PBX3: variants seen among roughly 807,000 people sequenced by gnomAD.
PBX3 encodes the protein PBX homeobox 3.
Under a neutral mutation model 48.5 loss-of-function variants are expected in PBX3, and 14 were observed. That is an observed-to-expected ratio of 0.29 (90% confidence interval 0.19 to 0.45). The LOEUF is 0.45. Ranked by LOEUF, PBX3 falls within the 20% of genes least tolerant of loss-of-function variation. The pLI, the probability that PBX3 is intolerant of heterozygous loss-of-function variation, is 1.00. For synonymous variants in PBX3, 210 were observed against 200.3 expected, an observed-to-expected ratio of 1.05 and a Z score of -0.41; for missense variants, 386 against 546.7, an observed-to-expected ratio of 0.71 and a Z score of 2.93.
chr9:125,817,373 T>C (rs1838496078), intron 2 of PBX3, among the ~76,000 whole-genome samples: 1 of 152,214 alleles, frequency 6.6e-6, no homozygotes, highest in Non-Finnish European at 1.5e-5. Flanking sequence ...CTTATTTTCC[T>C]AGAGATCTTG....
intron 6 of PBX3, among the ~76,000 whole-genome samples, chr9:125,961,828 A>AT (rs1023001734): frequency 2.6e-5 from 4 of 151,754 alleles, no homozygotes; most frequent in Non-Finnish European, 5.9e-5. Context: ...GTTTTGGTTT[A>AT]TTTTTTCTTT....
rs371642475 is a variant in PBX3 at position 125,787,740 on chromosome 9, A to T, written c.274+39117A>T. Reference sequence around the variant, plus strand: ...AGGGATTTTAGGATTGTTTGGTTTAATTAAATTGAGGAATAAATAGGTGGA... The same window carrying T: ...AGGGATTTTAGGATTGTTTGGTTTATTTAAATTGAGGAATAAATAGGTGGA... On this transcript the variant is annotated intron_variant, in intron 2 of 8. Transcript: ENST00000373489. 3.9e-5 allele frequency among the ~76,000 whole-genome samples: 6 copies of T among 152,328 alleles called. No homozygotes were observed. The East Asian group carries it at 1.2e-3, about 29-fold the overall frequency.
At chr9:125,856,661 A>G (rs1194860370) in intron 2 of PBX3, among the ~76,000 whole-genome samples, 1 of 152,176 alleles carries the variant, frequency 6.6e-6, no homozygotes, top group Non-Finnish European at 1.5e-5. Context: ...AAGCTGTAAC[A>G]TTGTTTCTGT....
intron 2 of PBX3, among the ~76,000 whole-genome samples, chr9:125,849,501 C>A (rs1271366903): frequency 1.3e-5 from 2 of 151,804 alleles, no homozygotes; most frequent in Non-Finnish European, 2.9e-5. Context: ...ACATAATGAA[C>A]CAAGAGTAGA....
rs75109806 is a variant in PBX3 at position 125,889,297 on chromosome 9, G to A, written c.275-26389G>A. Among the ~76,000 whole-genome samples, 2,686 of 152,332 alleles carry A rather than the reference G, an allele frequency of 0.018. 209 individuals are homozygous for A. In the East Asian group the frequency reaches 0.23, roughly 13 times the overall value. On this transcript the variant is annotated intron_variant, in intron 2 of 8. Coordinates refer to ENST00000373489, the MANE Select transcript of PBX3 (RefSeq NM_006195.6). ...GGGCTGTTGAAGGGCGTCTGCACAC[G>A]TGGGGAGCAGGGGCGCTTGCACACG...
chr9:125,779,249 TTTTTTTTTTTTTAA>T (rs1483089195), intron 2 of PBX3, among the ~76,000 whole-genome samples: 1 of 150,618 alleles, frequency 6.6e-6, no homozygotes, highest in African/African-American at 2.4e-5. Context: ...TTGTTCCTTT[TTTTTTTTTTTTTAA>T]TTTTTATTTT....
In PBX3 at chr9:125,962,300, A is replaced by G. The variant is rs1365764852; in HGVS notation, c.1122+86A>G. 3 of 724,994 alleles carry G rather than the reference A, an allele frequency of 4.1e-6. No individual in the cohort carries two copies. The African/African-American group carries it at 5.3e-5, about 13-fold the overall frequency. 44.9% of individuals were successfully genotyped at this position (724,994 alleles called of 1,614,324 possible). A position where few individuals can be genotyped will look rare whatever the true frequency, so the allele number is the denominator to read the frequency against. ...TCCTCTGACCCCATGGAAGTGGTCT[A>G]CACATCCATGCAGAACCTGTGCTGG... On this transcript the variant is annotated intron_variant, in intron 7 of 8. Coordinates refer to ENST00000373489, the MANE Select transcript of PBX3 (RefSeq NM_006195.6).
chr9:125,927,773 A>C (rs536866981), intron 3 of PBX3, among the ~76,000 whole-genome samples: 1 of 152,326 alleles, frequency 6.6e-6, no homozygotes, highest in East Asian at 1.9e-4. Flanking sequence ...ATGCAGTGGC[A>C]CACACCTGTA....
At chr9:125,948,492 A>G (rs866172600) in intron 5 of PBX3, among the ~76,000 whole-genome samples, 6 of 152,216 alleles carry the variant, frequency 3.9e-5, no homozygotes, top group East Asian at 1.9e-4. Context: ...AAATTAAGCA[A>G]TATAACCCTT....
chr9:125,763,746 T>C (rs1311930967), intron 2 of PBX3, among the ~76,000 whole-genome samples: 1 of 152,234 alleles, frequency 6.6e-6, no homozygotes, highest in Non-Finnish European at 1.5e-5. Context: ...ACGGGAACGC[T>C]GTCCCTCCTT....
At chr9:125,777,525 T>A (rs1837109012) in intron 2 of PBX3, among the ~76,000 whole-genome samples, 1 of 150,908 alleles carries the variant, frequency 6.6e-6, no homozygotes, top group Non-Finnish European at 1.5e-5. Context: ...CTGGCTAATT[T>A]TTTTTTTTTT....
intron 3 of PBX3, among the ~76,000 whole-genome samples, chr9:125,923,175 T>C (rs1415021075): frequency 6.6e-6 from 1 of 152,230 alleles, no homozygotes; most frequent in Admixed American, 6.5e-5. Flanking sequence ...TTTTAACCCT[T>C]TTTTCTTATA....
At chr9:125,869,542 A>AT (rs1195851703) in intron 2 of PBX3, among the ~76,000 whole-genome samples, 1 of 152,216 alleles carries the variant, frequency 6.6e-6, no homozygotes, top group Admixed American at 6.5e-5. Flanking sequence ...GCAACAATGA[A>AT]TAAACAGACA....
intron 2 of PBX3, among the ~76,000 whole-genome samples, chr9:125,776,683 G>C (rs1267448522): frequency 6.6e-6 from 1 of 152,030 alleles, no homozygotes; most frequent in African/African-American, 2.4e-5. Flanking sequence ...TGGGACTTTA[G>C]GCACATGCCA....
chr9:125,798,853 A>G lies in PBX3; in HGVS notation c.274+50230A>G, dbSNP rs147213233. On this transcript the variant is annotated intron_variant, in intron 2 of 8. Coordinates refer to ENST00000373489, the MANE Select transcript of PBX3 (RefSeq NM_006195.6). ...ACTTTTAACTGCCATCTTACAAAAC[A>G]AACAAAAAACAGTCCCCAGTTTGTT... Among the ~76,000 whole-genome samples, 275 of 151,972 alleles carry G rather than the reference A, an allele frequency of 1.8e-3. 1 individual carries two copies. The highest frequency in any genetic ancestry group is 6.2e-3 in the African/African-American group (255 of 41,328).
At chr9:125,848,335 A>T (rs952170858) in intron 2 of PBX3, among the ~76,000 whole-genome samples, 1 of 151,830 alleles carries the variant, frequency 6.6e-6, no homozygotes, top group African/African-American at 2.4e-5. Flanking sequence ...CATTATTTTT[A>T]TTTTTAGTTA....
intron 2 of PBX3, among the ~76,000 whole-genome samples, chr9:125,756,257 T>A (rs186109250): frequency 6.6e-6 from 1 of 152,290 alleles, no homozygotes; most frequent in African/African-American, 2.4e-5. Context: ...TGGAATTTCA[T>A]ACTGGATTCA....
At chr9:125,869,632 T>C (rs1237689592) in intron 2 of PBX3, among the ~76,000 whole-genome samples, 1 of 152,212 alleles carries the variant, frequency 6.6e-6, no homozygotes, top group Non-Finnish European at 1.5e-5. Context: ...GCTAGAATTA[T>C]CAACCTAGAA....
At chr9:125,909,015 C>A (rs1466839396) in intron 2 of PBX3, among the ~76,000 whole-genome samples, 2 of 152,086 alleles carry the variant, frequency 1.3e-5, no homozygotes, top group African/African-American at 2.4e-5. Context: ...CTTGCCCTAG[C>A]CCTGTTCTCT....
Sources: gnomAD v4.1 joint callset for allele counts (sites outside exome capture counted in the v4.1 genomes callset) on GRCh38, gnomAD v4.1.1 for gene constraint, MANE v1.5 for transcripts, NCBI Gene and HGNC (gene_info 2026-07-23, HGNC 2026-07-21) for gene names.